USP34: variants seen among roughly 807,000 people sequenced by gnomAD.
The protein encoded by USP34 is ubiquitin specific peptidase 34, also known as ubiquitin carboxyl-terminal hydrolase 34.
A neutral mutation model predicts 460.3 loss-of-function variants in USP34; 70 were observed. The observed-to-expected ratio is 0.15, with a 90% CI of 0.13 to 0.19. The LOEUF (loss-of-function observed/expected upper bound fraction) is 0.19. Among genes scored for constraint, USP34 ranks in the 10% least tolerant of loss-of-function variants. The pLI is 1.00. For synonymous variants in USP34, 1,647 were observed against 1,405.3 expected, an observed-to-expected ratio of 1.17 and a Z score of -3.85; for missense variants, 3,985 against 4,236.2, an observed-to-expected ratio of 0.94 and a Z score of 1.65.
rs1200630044 is a variant in USP34, at chr2:61,470,534, C to T, written c.43+116G>A. 2.4e-5 allele frequency: 13 copies of T among 542,036 alleles called. No homozygotes were observed. The Admixed American group carries it at 3.9e-4, about 16-fold the overall frequency. 33.6% of individuals were successfully genotyped at this position (542,036 alleles called of 1,614,324 possible). A position where few individuals can be genotyped will look rare whatever the true frequency, so the allele number is the denominator to read the frequency against. On this transcript the variant is annotated intron_variant, in intron 1 of 79. Coordinates refer to ENST00000398571, the MANE Select transcript of USP34 (RefSeq NM_014709.4). ...GCACCTTCCCGGGGCGCTAGGCCCG[C>T]ACGCCGCCCGGCCCGGCCGTCGCCT...
intron 2 of USP34, among the ~76,000 whole-genome samples, chr2:61,419,706 A>C (rs1300284871): frequency 6.6e-6 from 1 of 152,212 alleles, no homozygotes; most frequent in Non-Finnish European, 1.5e-5. Context: ...ACCTAGCTGT[A>C]GTTACAATAA....
Position 61,281,236 on chromosome 2 carries a change from C to T in USP34, c.5005G>A (p.Val1669Ile), listed in dbSNP as rs1211676045. Reference sequence around the variant, plus strand: ...AGACCACTGCATGATTCATGACGAACTGCAGTCTAGATGAAAAAGAAAGTT... The same window carrying T: ...AGACCACTGCATGATTCATGACGAATTGCAGTCTAGATGAAAAAGAAAGTT... ...KLTLLIPETA[V>I]RHESCSGLYK... Residue 1669 changes from valine to isoleucine, a missense_variant, in exon 38 of 80, where the codon GTT becomes ATT. Transcript: ENST00000398571. 4 of 1,611,208 alleles carry T rather than the reference C, an allele frequency of 2.5e-6. No homozygotes were observed. In the South Asian group the frequency reaches 4.4e-5, roughly 18 times the overall value.
chr2:61,311,321 T>C (rs1690584763), intron 27 of USP34, among the ~76,000 whole-genome samples: 1 of 152,158 alleles, frequency 6.6e-6, no homozygotes, highest in South Asian at 2.1e-4. Flanking sequence ...CCTCACCAGA[T>C]GCTGGTACCC....
chr2:61,437,774 A>AAATAAAT (rs1694854947), intron 1 of USP34, among the ~76,000 whole-genome samples: 1 of 134,540 alleles, frequency 7.4e-6, no homozygotes. Flanking sequence ...CTCCGTCTCA[A>AAATAAAT]AAATAAATAA....
rs1329558208 is a variant in USP34 at position 61,414,745 on chromosome 2, A to T, written c.131+6001T>A. 1.3e-5 allele frequency among the ~76,000 whole-genome samples: 2 copies of T among 152,244 alleles called. 1 individual carries two copies. Among genetic ancestry groups the T allele is most frequent in the African/African-American group, 4.8e-5 (2 of 41,466 alleles). On this transcript the variant is annotated intron_variant, in intron 2 of 79. Coordinates refer to ENST00000398571, the MANE Select transcript of USP34 (RefSeq NM_014709.4). ...GTCAGAGCAAGGGAGTCAAGGACCC[A>T]GTTACAGAATTTTCTGGGGTTTAAA...
At chr2:61,244,078 C>A (rs1419370098) in intron 51 of USP34, among the ~76,000 whole-genome samples, 1 of 151,558 alleles carries the variant, frequency 6.6e-6, no homozygotes, top group Admixed American at 6.6e-5. Flanking sequence ...GAATGTGTAT[C>A]ATTTCTCAAC....
At chr2:61,467,047 T>A (rs955128704) in intron 1 of USP34, among the ~76,000 whole-genome samples, 1 of 152,132 alleles carries the variant, frequency 6.6e-6, no homozygotes, top group African/African-American at 2.4e-5. Context: ...GGCTCACGCC[T>A]GTAATCCTAG....
intron 7 of USP34, among the ~76,000 whole-genome samples, chr2:61,378,954 C>T (rs1476639496): frequency 7.5e-6 from 1 of 132,528 alleles, no homozygotes; most frequent in East Asian, 2.3e-4. Flanking sequence ...TAAATTCATT[C>T]CACAAATAGT....
intron 75 of USP34, among the ~76,000 whole-genome samples, chr2:61,198,572 TTTAAGAGAGAGAAATAGGCTGGG>T: frequency 6.6e-6 from 1 of 151,942 alleles, no homozygotes; most frequent in South Asian, 2.1e-4. Flanking sequence ...TTTTTTTTTT[TTTAAGAGAGAGAAATAGGCTGGG>T]TGCAGTGGTT....
At chr2:61,241,866 C>T (rs1472631099) in intron 51 of USP34, 47 bp from the exon 52 acceptor site, 2 of 976,568 alleles carry the variant, frequency 2.0e-6, no homozygotes, top group Non-Finnish European at 3.0e-6. Context: ...AATGGGTATA[C>T]TCAGCTATAT....
At chr2:61,425,235 T>A (rs777657585) in intron 1 of USP34, among the ~76,000 whole-genome samples, 7 of 151,912 alleles carry the variant, frequency 4.6e-5, no homozygotes, top group African/African-American at 1.7e-4. Context: ...AACACCTTCA[T>A]AAAAAACAAA....
chr2:61,421,488 C>G (rs888636103), intron 1 of USP34, among the ~76,000 whole-genome samples: 2 of 152,100 alleles, frequency 1.3e-5, no homozygotes, highest in Non-Finnish European at 2.9e-5. Context: ...TGGCTTTTAC[C>G]TTCTTTGGCT....
intron 1 of USP34, among the ~76,000 whole-genome samples, chr2:61,460,295 G>A (rs770388831): frequency 6.6e-6 from 1 of 152,032 alleles, no homozygotes; most frequent in Non-Finnish European, 1.5e-5. Flanking sequence ...ATCTTGTGCC[G>A]TCCCGTCTAG....
At chr2:61,226,736 C>G (rs1435784141) in intron 62 of USP34, 1 of 190,734 alleles carries the variant, frequency 5.2e-6, no homozygotes, top group East Asian at 1.4e-4. Context: ...GTATTTTGGA[C>G]ACAGATTCCT....
intron 21 of USP34, among the ~76,000 whole-genome samples, chr2:61,321,749 G>C (rs974751372): frequency 6.6e-6 from 1 of 152,074 alleles, no homozygotes; most frequent in Non-Finnish European, 1.5e-5. Flanking sequence ...ACCCATTTAG[G>C]AAGAAAATTC....
In USP34 at chr2:61,188,655, T is replaced by G. The variant is rs1178913943; in HGVS notation, c.10088A>C (p.His3363Pro). 1 of 1,614,100 alleles carries G rather than the reference T, an allele frequency of 6.2e-7. No homozygotes were observed. The highest frequency in any genetic ancestry group is 8.5e-7 in the Non-Finnish European group (1 of 1,180,044). Residue 3363 changes from histidine to proline, a missense_variant, in exon 80 of 80, where the codon CAC (histidine) becomes CCC (proline). Physicochemically the swap from His to Pro is moderately conservative, Grantham distance 77. Around this residue, in one of 14 missense-constraint regions of USP34, gnomAD observed 506 missense variants for 439.0 expected, o/e 1.15. Transcript: ENST00000398571. ...GTCACTGATGCAGCTGTCTACAGTG[T>G]GCTCCTCATCACTGCTAACACGCCG... ...KRRRVSSDEE[H>P]TVDSCISDMK...
chr2:61,458,555 G>T (rs1314326661), intron 1 of USP34, among the ~76,000 whole-genome samples: 1 of 89,440 alleles, frequency 1.1e-5, no homozygotes, highest in African/African-American at 4.8e-5. Context: ...GAGTGAAACT[G>T]TCTCAGAAAA....
At chr2:61,372,498 G>A (rs928892491) in intron 8 of USP34, among the ~76,000 whole-genome samples, 2 of 152,122 alleles carry the variant, frequency 1.3e-5, no homozygotes, top group African/African-American at 4.8e-5. Flanking sequence ...GGAGACTGAG[G>A]TCGAGGGGAC....
intron 53 of USP34, among the ~76,000 whole-genome samples, chr2:61,239,302 A>T (rs776690849): frequency 9.7e-3 from 387 of 40,006 alleles, no homozygotes; most frequent in Non-Finnish European, 0.018. Context: ...GGGCCCTGTC[A>T]CACACACACA....
Sources: gnomAD v4.1 joint callset for allele counts (sites outside exome capture counted in the v4.1 genomes callset) on GRCh38, gnomAD v4.1.1 for gene constraint, gnomAD v4.1.1 regional missense constraint, MANE v1.5 for transcripts, NCBI Gene and HGNC (gene_info 2026-07-23, HGNC 2026-07-21) for gene names.